The following THRAP3 variants were observed in gnomAD, a reference collection of about 807,000 sequenced individuals.
THRAP3 encodes thyroid hormone receptor associated protein 3, also known as thyroid hormone receptor-associated protein 3.
Under a neutral mutation model 101.0 loss-of-function variants are expected in THRAP3, and 16 were observed. The observed-to-expected ratio is 0.16, with a 90% CI of 0.11 to 0.24. THRAP3 has a LOEUF of 0.24. THRAP3 is among the 10% of genes least tolerant of loss of function. THRAP3 has a pLI of 1.00. For synonymous variants in THRAP3, 407 were observed against 422.6 expected (o/e 0.96, Z 0.45); for missense variants, 989 against 1,202.7 (o/e 0.82, Z 2.63).
chr1:36,274,725 C>T (rs1422536759), intron 2 of THRAP3, among the ~76,000 whole-genome samples: 3 of 145,952 alleles, frequency 2.1e-5, no homozygotes, highest in Non-Finnish European at 4.5e-5. Flanking sequence ...CTCTACCTCC[C>T]GGGTTCAAGT....
rs1007031853 is a variant in THRAP3 at position 36,292,503 on chromosome 1, C to T, written c.1919-95C>T. ...GCCAGGATGGTCTCGATCTCTTGAC[C>T]TCGTGATCTGCCCACCTCGGCCTCC... On this transcript the variant is annotated intron_variant, in intron 6 of 11. Coordinates refer to ENST00000354618, the MANE Select transcript of THRAP3 (RefSeq NM_005119.4). The T allele has an allele frequency of 3.2e-5, 27 of 831,000 alleles. No individual in the cohort carries two copies. In the African/African-American group the frequency reaches 4.7e-4, roughly 14 times the overall value. The allele number at this position is 831,000 out of a possible 1,614,324, so 51.5% of individuals were successfully genotyped here. A position where few individuals can be genotyped will look rare whatever the true frequency, so the allele number is the denominator to read the frequency against.
chr1:36,227,013 T>C (rs1282415146), intron 1 of THRAP3, among the ~76,000 whole-genome samples: 1 of 152,118 alleles, frequency 6.6e-6, no homozygotes, highest in African/African-American at 2.4e-5. Context: ...GAAGTTCTTT[T>C]TGGGGAGAGT....
intron 4 of THRAP3, chr1:36,287,480 A>G: frequency 1.0e-6 from 1 of 985,434 alleles, no homozygotes; most frequent in Non-Finnish European, 1.2e-6. Context: ...ATTGCAGCAT[A>G]AACTTTCTTT....
At chr1:36,229,423 GTTTTT>G (rs35936037) in intron 1 of THRAP3, among the ~76,000 whole-genome samples, 22 of 38,922 alleles carry the variant, frequency 5.7e-4, no homozygotes, top group Non-Finnish European at 1.1e-3. Flanking sequence ...TTTTTTTTTT[GTTTTT>G]TTTTTTTTGA....
chr1:36,216,780 A>G, the THRAP3 span, among the ~76,000 whole-genome samples: 1 of 152,166 alleles, frequency 6.6e-6, no homozygotes, highest in Non-Finnish European at 1.5e-5. Flanking sequence ...CTCTGTCTCA[A>G]AAACAAATAA....
At position 36,277,560 on chromosome 1, in the gene THRAP3, G is replaced by A. The variant is rs923836260; in HGVS notation, c.-31-4973G>A. ...CGTGCTTTGTCACCCAGGCTGGAGT[G>A]CAGTGGCACAAACATGGCTCACTGC... On this transcript the variant is annotated intron_variant, in intron 2 of 11. Transcript: ENST00000354618. 2.6e-5 allele frequency among the ~76,000 whole-genome samples: 4 copies of A among 152,018 alleles called. No homozygotes were observed. The South Asian group carries it at 6.2e-4, about 24-fold the overall frequency.
rs777278470 is a variant in THRAP3 at position 36,289,536 on chromosome 1, A to C, written c.1517A>C (p.Lys506Thr). Reference protein sequence around the residue: ...PERSKKEDRGKRSEGGHRGFV... With the variant: ...PERSKKEDRGTRSEGGHRGFV... Reference sequence around the variant, plus strand: ...AGATCCAAAAAGGAAGATCGGGGCAAGAGAAGCGAAGGTGGGCACAGGGGC... The same window carrying C: ...AGATCCAAAAAGGAAGATCGGGGCACGAGAAGCGAAGGTGGGCACAGGGGC... Residue 506 changes from lysine (K) to threonine (T), a missense_variant, in exon 5 of 12, where the codon AAG becomes ACG. Lys to Thr is a moderately conservative substitution (Grantham distance 78). Transcript: ENST00000354618. The C allele has an allele frequency of 6.2e-7, 1 of 1,614,084 alleles. No individual in the cohort carries two copies.
chr1:36,283,990 T>G (rs1645765693), intron 3 of THRAP3, among the ~76,000 whole-genome samples: 1 of 152,226 alleles, frequency 6.6e-6, no homozygotes, highest in Non-Finnish European at 1.5e-5. Flanking sequence ...AGACTCTTAG[T>G]AACTCCTACC....
chr1:36,287,607 A>C, intron 4 of THRAP3: 4 of 985,478 alleles, frequency 4.1e-6, no homozygotes, highest in Non-Finnish European at 4.8e-6. Flanking sequence ...GGTCTTTGCC[A>C]AAATGAATGG....
In THRAP3 at chr1:36,292,727, A is replaced by T; in HGVS notation, c.2030+18A>T. 6.4e-7 allele frequency: 1 copy of T among 1,566,108 alleles called. No homozygotes were observed. The highest frequency in any genetic ancestry group is 1.4e-5 in the African/African-American group (1 of 72,858). On this transcript the variant is annotated intron_variant, in intron 7 of 11. Coordinates refer to ENST00000354618, the MANE Select transcript of THRAP3 (RefSeq NM_005119.4). ...ATACACAGGTAAGGACCATGGCCTT[A>T]TACTGGAGGTTGTAATAAAAGACTT...
intron 1 of THRAP3, among the ~76,000 whole-genome samples, chr1:36,252,758 T>C (rs989778706): frequency 6.6e-6 from 1 of 151,152 alleles, no homozygotes; most frequent in African/African-American, 2.4e-5. Context: ...TACAAAAAAA[T>C]TAGCCAGGCA....
chr1:36,243,434 C>G (rs1193557731), intron 1 of THRAP3, among the ~76,000 whole-genome samples: 2 of 151,948 alleles, frequency 1.3e-5, no homozygotes, highest in Non-Finnish European at 2.9e-5. Flanking sequence ...ATCTGTTTAA[C>G]AAAGCACATC....
At chr1:36,269,649 CT>C (rs1370012888) in intron 2 of THRAP3, among the ~76,000 whole-genome samples, 1 of 152,188 alleles carries the variant, frequency 6.6e-6, no homozygotes, top group Non-Finnish European at 1.5e-5. Flanking sequence ...TCATTGCTCA[CT>C]GCAGCCTGGA....
chr1:36,255,593 A>G (rs932523391), intron 1 of THRAP3, among the ~76,000 whole-genome samples: 2 of 151,262 alleles, frequency 1.3e-5, no homozygotes, highest in Non-Finnish European at 2.9e-5. Context: ...ACATGGTGAA[A>G]CCCTGTCTCT....
intron 8 of THRAP3, among the ~76,000 whole-genome samples, chr1:36,294,540 T>C (rs530626344): frequency 1.8e-4 from 28 of 152,352 alleles, no homozygotes; most frequent in Middle Eastern, 3.4e-3. Flanking sequence ...AAATTGGGCT[T>C]TAAAAAAATC....
chr1:36,285,585 TTTAG>T (rs1010480043), intron 3 of THRAP3, among the ~76,000 whole-genome samples: 5 of 152,198 alleles, frequency 3.3e-5, no homozygotes, highest in Non-Finnish European at 7.3e-5. Flanking sequence ...GGGGGTGTTT[TTTAG>T]TTACTCTTTG....
At chr1:36,217,842 CCTT>C in the THRAP3 span, among the ~76,000 whole-genome samples, 9 of 152,256 alleles carry the variant, frequency 5.9e-5, no homozygotes, top group Admixed American at 2.0e-4. Context: ...CTGTTTCTCT[CCTT>C]CTCCTCCAGT....
At chr1:36,218,026 C>T in the THRAP3 span, among the ~76,000 whole-genome samples, 2 of 152,162 alleles carry the variant, frequency 1.3e-5, no homozygotes, top group African/African-American at 4.8e-5. Flanking sequence ...AAAGCTAGGC[C>T]TGTTGTGTCA....
chr1:36,287,394 T>C, intron 4 of THRAP3, 124 bp downstream of exon 4: 3 of 1,388,642 alleles, frequency 2.2e-6, no homozygotes, highest in Non-Finnish European at 2.8e-6. Context: ...CCTAGACTTT[T>C]CGTTAGTAAA....
Sources: gnomAD v4.1 joint callset for allele counts (sites outside exome capture counted in the v4.1 genomes callset) on GRCh38, gnomAD v4.1.1 for gene constraint, MANE v1.5 for transcripts, NCBI Gene and HGNC (gene_info 2026-07-23, HGNC 2026-07-21) for gene names.